Variants in GPHN observed in about 807,000 individuals in gnomAD.
GPHN encodes the protein gephyrin.
A neutral mutation model predicts 95.5 loss-of-function variants in GPHN; 17 were observed. The ratio of observed to expected loss-of-function variants is 0.18; its 90% CI spans 0.12 to 0.27. The LOEUF (loss-of-function observed/expected upper bound fraction) is 0.27, where lower values mean the gene tolerates loss of function less well. GPHN is among the 10% of genes least tolerant of loss of function. The pLI is 1.00. For synonymous variants in GPHN, 320 were observed against 322.5 expected, an observed-to-expected ratio of 0.99 and a Z score of 0.08; for missense variants, 660 against 978.1, an observed-to-expected ratio of 0.67 and a Z score of 4.34.
chr14:66,870,631 A>T (rs1294602217), intron 4 of GPHN, among the ~76,000 whole-genome samples: 4 of 152,204 alleles, frequency 2.6e-5, no homozygotes, highest in Admixed American at 2.6e-4. Context: ...CAGAATTTTT[A>T]AAAATATAAA....
intron 1 of GPHN, among the ~76,000 whole-genome samples, chr14:66,577,937 G>C (rs143863685): frequency 0.01 from 1,553 of 152,042 alleles, 13 homozygotes; most frequent in Non-Finnish European, 0.015. Context: ...ACTGAAAGTA[G>C]TAAATGTAAA....
At chr14:66,854,836 T>A (rs1776251676) in intron 4 of GPHN, among the ~76,000 whole-genome samples, 1 of 151,852 alleles carries the variant, frequency 6.6e-6, no homozygotes, top group African/African-American at 2.4e-5. Context: ...CAAAACTTGC[T>A]ATTTTAGCCT....
chr14:67,551,193 C>T, the GPHN span, among the ~76,000 whole-genome samples: 5 of 152,068 alleles, frequency 3.3e-5, no homozygotes, highest in Admixed American at 6.6e-5. Context: ...CTAAGTAGTC[C>T]GATCATATAA....
chr14:66,637,253 T>A (rs895467198), intron 1 of GPHN, among the ~76,000 whole-genome samples: 1 of 152,196 alleles, frequency 6.6e-6, no homozygotes, highest in Non-Finnish European at 1.5e-5. Context: ...GATATGCCTT[T>A]GCACTTAGGA....
At chr14:67,392,085 G>A in the GPHN span, among the ~76,000 whole-genome samples, 1 of 152,242 alleles carries the variant, frequency 6.6e-6, no homozygotes, top group African/African-American at 2.4e-5. Context: ...ATAATTGTGT[G>A]TGTGTGTAGT....
chr14:67,390,865 T>TA, the GPHN span: 1 of 776,472 alleles, frequency 1.3e-6, no homozygotes, highest in African/African-American at 1.7e-5. Context: ...GACTACATTC[T>TA]AAAACCAGTC....
intron 10 of GPHN, among the ~76,000 whole-genome samples, chr14:67,037,086 A>T (rs897729313): frequency 6.6e-6 from 1 of 152,086 alleles, no homozygotes; most frequent in African/African-American, 2.4e-5. Flanking sequence ...AAAGACAGAC[A>T]TATAAACTAA....
the GPHN span, among the ~76,000 whole-genome samples, chr14:67,505,921 G>A: frequency 3.3e-5 from 5 of 152,070 alleles, no homozygotes; most frequent in African/African-American, 9.7e-5. Flanking sequence ...GGCTGGTCTC[G>A]AACTCCTGAC....
intron 5 of GPHN, among the ~76,000 whole-genome samples, chr14:66,895,068 T>C (rs958328522): frequency 6.6e-6 from 1 of 152,198 alleles, no homozygotes; most frequent in African/African-American, 2.4e-5. Flanking sequence ...CATATGTTTA[T>C]TGCGGCACTA....
At chr14:67,215,401 C>A in the GPHN span, among the ~76,000 whole-genome samples, 1 of 138,906 alleles carries the variant, frequency 7.2e-6, no homozygotes, top group Non-Finnish European at 1.5e-5. Context: ...GAACACTGAT[C>A]TATTGTTTTT....
intron 1 of GPHN, among the ~76,000 whole-genome samples, chr14:66,597,761 C>T (rs1219372486): frequency 2.6e-5 from 4 of 152,344 alleles, no homozygotes; most frequent in African/African-American, 9.6e-5. Context: ...AAGCTCCAGC[C>T]TTACCTCCCA....
chr14:66,931,053 C>A (rs1335502557), intron 8 of GPHN, among the ~76,000 whole-genome samples: 1 of 152,002 alleles, frequency 6.6e-6, no homozygotes, highest in East Asian at 1.9e-4. Flanking sequence ...TTGATGAAAC[C>A]CCTCAGCTTT....
the GPHN span, chr14:67,376,466 G>A: frequency 6.2e-7 from 1 of 1,612,696 alleles, no homozygotes; most frequent in Non-Finnish European, 8.5e-7. Flanking sequence ...TCATGTTGCT[G>A]AGGTGTTAGA....
intron 10 of GPHN, among the ~76,000 whole-genome samples, chr14:67,050,728 T>C (rs1160018999): frequency 1.3e-5 from 2 of 151,868 alleles, no homozygotes; most frequent in Non-Finnish European, 2.9e-5. Flanking sequence ...GGCTCCCACG[T>C]AGAAGAATGA....
chr14:67,291,119 T>C, the GPHN span, among the ~76,000 whole-genome samples: 19 of 152,056 alleles, frequency 1.2e-4, no homozygotes, highest in South Asian at 3.9e-3. Flanking sequence ...ATAAATATAA[T>C]TAAGAGGTAA....
the GPHN span, among the ~76,000 whole-genome samples, chr14:67,532,703 C>T: frequency 6.6e-6 from 1 of 152,204 alleles, no homozygotes; most frequent in Non-Finnish European, 1.5e-5. Flanking sequence ...GTAAGTTACT[C>T]TCTGGGCTGT....
chr14:66,562,225 A>G (rs1032321448), intron 1 of GPHN, among the ~76,000 whole-genome samples: 1 of 152,142 alleles, frequency 6.6e-6, no homozygotes, highest in Non-Finnish European at 1.5e-5. Context: ...TAAGAGACAG[A>G]TTAAGTTTCA....
chr14:67,062,085 T>TA (rs567620423), intron 11 of GPHN, among the ~76,000 whole-genome samples: 56 of 150,806 alleles, frequency 3.7e-4, no homozygotes, highest in Middle Eastern at 6.8e-3. Context: ...AACATGGATA[T>TA]AAAAAAAAAG....
At chr14:67,046,262 C>A (rs951245170) in intron 10 of GPHN, among the ~76,000 whole-genome samples, 1 of 152,002 alleles carries the variant, frequency 6.6e-6, no homozygotes, top group African/African-American at 2.4e-5. Context: ...TTGACATGTT[C>A]CTATCATTAT....
Sources: gnomAD v4.1 joint callset for allele counts (sites outside exome capture counted in the v4.1 genomes callset) on GRCh38, gnomAD v4.1.1 for gene constraint, MANE v1.5 for transcripts, NCBI Gene and HGNC (gene_info 2026-07-23, HGNC 2026-07-21) for gene names.